RGPD3: variants seen among roughly 807,000 people sequenced by gnomAD.
RGPD3 encodes ranBP2-like and GRIP domain-containing protein 3.
A neutral mutation model predicts 154.5 loss-of-function variants in RGPD3; 62 were observed. The observed-to-expected ratio is 0.40, with a 90% confidence interval of 0.33 to 0.50. The LOEUF is 0.50. Ranked by LOEUF, RGPD3 falls within the 20% of genes least tolerant of loss-of-function variation. The pLI is 0.59. For missense variants in RGPD3, 919 were observed against 1,716.8 expected, an observed-to-expected ratio of 0.54 and a Z score of 8.21; for synonymous variants, 308 against 607.0, an observed-to-expected ratio of 0.51 and a Z score of 7.24.
chr2:106,469,418 A>C (rs77427909), upstream of RGPD3, among the ~76,000 whole-genome samples: 1 of 152,214 alleles, frequency 6.6e-6, no homozygotes, highest in Non-Finnish European at 1.5e-5. Context: ...CGCTTCTCCA[A>C]TTCCCCCTTT....
chr2:106,412,616 C>T (rs1472283509), intron 22 of RGPD3: 2 of 333,658 alleles, frequency 6.0e-6, no homozygotes, highest in Non-Finnish European at 1.2e-5. Flanking sequence ...GCCTATGGCA[C>T]AGTTTTAAAA....
rs1676467340 is a variant in RGPD3, at chr2:106,405,148, C to T, written c.*71G>A. Reference sequence around the variant, plus strand: ...TTTTATTTGGTTAATAAAAACATTCCTTCCATCAACCTATCGAAGTCCAAA... The same window carrying T: ...TTTTATTTGGTTAATAAAAACATTCTTTCCATCAACCTATCGAAGTCCAAA... On this transcript the variant is annotated 3_prime_UTR_variant, in exon 23 of 23. Coordinates refer to ENST00000409886, the MANE Select transcript of RGPD3 (RefSeq NM_001144013.2). 2.5e-6 allele frequency: 4 copies of T among 1,595,742 alleles called. No individual in the cohort carries two copies. The highest frequency in any genetic ancestry group is 2.2e-5 in the East Asian group (1 of 44,674).
rs1011096004 is a variant in RGPD3 at position 106,405,015 on chromosome 2, T to A, written c.*204A>T. On this transcript the variant is annotated 3_prime_UTR_variant, in exon 23 of 23. Coordinates refer to ENST00000409886, the MANE Select transcript of RGPD3 (RefSeq NM_001144013.2). ...TACTTTTACTTCAAGTTGAAACTTTTAAAATACATCTGTCATATAGATGTA... is the reference window on the plus strand; with the variant it reads ...TACTTTTACTTCAAGTTGAAACTTTAAAAATACATCTGTCATATAGATGTA... The A allele has an allele frequency of 1.0e-4, 73 of 698,372 alleles. No individual in the cohort carries two copies. The highest frequency in any genetic ancestry group is 1.5e-4 in the Non-Finnish European group (63 of 419,286). 43.3% of individuals were successfully genotyped at this position (698,372 alleles called of 1,614,324 possible). A position where few individuals can be genotyped will look rare whatever the true frequency, so the allele number is the denominator to read the frequency against.
intron 20 of RGPD3, among the ~76,000 whole-genome samples, chr2:106,420,167 T>C (rs1676934846): frequency 7.2e-6 from 1 of 139,264 alleles, no homozygotes; most frequent in Non-Finnish European, 1.5e-5. Context: ...AGTTAACAAT[T>C]GCCAAGAATG....
chr2:106,467,734 GC>G (rs1678674999), intron 1 of RGPD3, among the ~76,000 whole-genome samples: 4 of 141,954 alleles, frequency 2.8e-5, no homozygotes, highest in African/African-American at 8.1e-5. Context: ...CCTCAACAGA[GC>G]GCGCCAGGGA....
intron 17 of RGPD3, among the ~76,000 whole-genome samples, chr2:106,430,119 A>G (rs1339618178): frequency 3.3e-5 from 5 of 149,464 alleles, no homozygotes; most frequent in Non-Finnish European, 6.0e-5. Flanking sequence ...CCTGACCTCA[A>G]GTGATCCACC....
At chr2:106,441,774 G>T (rs1459506186) in intron 7 of RGPD3, among the ~76,000 whole-genome samples, 1 of 146,530 alleles carries the variant, frequency 6.8e-6, no homozygotes, top group African/African-American at 2.5e-5. Flanking sequence ...TGAGGCACAA[G>T]GATAGCTTGA....
chr2:106,435,084 G>T lies in RGPD3; in HGVS notation c.1877C>A (p.Pro626His). ...IIKKKNSIPE[P>H]IDPLFKHFHS... ...AAAATGTTTAAACAGAGGATCAATAGGTTCAGGAATACTGTTCTTCTTTTT... is the reference window on the plus strand; with the variant it reads ...AAAATGTTTAAACAGAGGATCAATATGTTCAGGAATACTGTTCTTCTTTTT... The change falls in exon 13 of 23, where the codon CCT becomes CAT. Residue 626 changes from proline to histidine, a missense_variant. Physicochemically the swap from Pro to His is moderately conservative, Grantham distance 77 (BLOSUM62 -2). Transcript: ENST00000409886. 1.6e-6 allele frequency: 1 copy of T among 616,552 alleles called. No individual in the cohort carries two copies. Among genetic ancestry groups the T allele is most frequent in the Non-Finnish European group, 2.9e-6 (1 of 345,868 alleles). The allele number at this position is 616,552 out of a possible 1,614,324, so 38.2% of individuals were successfully genotyped here. A position where few individuals can be genotyped will look rare whatever the true frequency, so the allele number is the denominator to read the frequency against.
intron 20 of RGPD3, among the ~76,000 whole-genome samples, chr2:106,421,361 G>C (rs1321603088): frequency 6.6e-6 from 1 of 151,854 alleles, no homozygotes; most frequent in Non-Finnish European, 1.5e-5. Flanking sequence ...CCACTTTTAA[G>C]TTAACACTTT....
rs1027782791 is a variant in RGPD3, at chr2:106,425,222, G to A, written c.2745C>T (p.Ser915=). The part of the protein sequence containing the change: ...TEFKSTKEGF[S]IPVSADGFKF... The stretch of plus-strand genomic sequence containing the variant: ...TAAATCCATCAGCAGACACAGGGAT[G>A]GAAAATCCTTCTTTGGTTGACTTAA... Residue 915 remains serine, a synonymous_variant, in exon 20 of 23, where the codon TCC becomes TCT. Transcript: ENST00000409886. The A allele has an allele frequency of 1.1e-5, 17 of 1,611,428 alleles. No homozygotes were observed. The African/African-American group carries it at 2.0e-4, about 19-fold the overall frequency.
intron 6 of RGPD3, among the ~76,000 whole-genome samples, chr2:106,448,210 T>A (rs1677993151): frequency 6.6e-6 from 1 of 151,634 alleles, no homozygotes; most frequent in South Asian, 2.1e-4. Flanking sequence ...CAGGTTCAAG[T>A]GATTCTCCTG....
At chr2:106,467,631 C>G (rs1373029892) in intron 1 of RGPD3, among the ~76,000 whole-genome samples, 5 of 142,360 alleles carry the variant, frequency 3.5e-5, no homozygotes, top group Non-Finnish European at 4.6e-5. Context: ...GTCGAGGCAG[C>G]CGCCTCCACA....
Position 106,424,841 on chromosome 2 carries a change from A to G in RGPD3, c.3126T>C (p.Val1042=). 2 of 1,611,704 alleles carry G rather than the reference A, an allele frequency of 1.2e-6. No homozygotes were observed. ...CAAGTTCTACTTTTTCAGGCATTTGAACTACTGGTTCAAAATGGATGTCAT... is the reference window on the plus strand; with the variant it reads ...CAAGTTCTACTTTTTCAGGCATTTGGACTACTGGTTCAAAATGGATGTCAT... ...DSDDIHFEPV[V]QMPEKVELVT... Residue 1042 remains valine (V), a synonymous_variant, in exon 20 of 23, where the codon GTT becomes GTC. Coordinates refer to ENST00000409886, the MANE Select transcript of RGPD3 (RefSeq NM_001144013.2).
intron 22 of RGPD3, among the ~76,000 whole-genome samples, chr2:106,405,532 A>T (rs1185606672): frequency 6.6e-6 from 1 of 151,528 alleles, no homozygotes; most frequent in Non-Finnish European, 1.5e-5. Context: ...GTGTGCCACC[A>T]TGCCTGGGTA....
chr2:106,415,674 C>CAAAAAAAAAAAAAA (rs879163469), intron 21 of RGPD3, among the ~76,000 whole-genome samples, 176 bp downstream of exon 21: 12 of 44,742 alleles, frequency 2.7e-4, no homozygotes, highest in African/African-American at 1.1e-3. Context: ...AAGACTGTCT[C>CAAAAAAAAAAAAAA]AAAAAAAAAA....
chr2:106,457,341 T>C (rs576671168), intron 3 of RGPD3, among the ~76,000 whole-genome samples: 9 of 152,392 alleles, frequency 5.9e-5, no homozygotes, highest in Admixed American at 4.6e-4. Context: ...TTTGTGTCAT[T>C]TGAATGCAAA....
intron 9 of RGPD3, among the ~76,000 whole-genome samples, chr2:106,437,584 A>AT (rs1269268299): frequency 6.6e-6 from 1 of 152,252 alleles, no homozygotes; most frequent in Non-Finnish European, 1.5e-5. Flanking sequence ...TCTTTCTGTC[A>AT]TTTTGGCAAT....
rs1234709133 is a variant in RGPD3, at chr2:106,423,848, T to C, written c.4119A>G (p.Gln1373=). The C allele has an allele frequency of 3.1e-6, 5 of 1,611,912 alleles. No individual in the cohort carries two copies. The highest frequency in any genetic ancestry group is 1.1e-5 in the South Asian group (1 of 90,986). Residue 1373 remains glutamine (Q), a synonymous_variant, in exon 20 of 23, where the codon CAA becomes CAG. Transcript: ENST00000409886. ...EFYRYDKDVG[Q]WKERGIGDIK... ...TATCACCAATGCCCCTTTCTTTCCA[T>C]TGACCAACATCTTTATCATATCTGT...
chr2:106,449,231 G>C (rs1678033188), intron 6 of RGPD3, among the ~76,000 whole-genome samples: 1 of 150,116 alleles, frequency 6.7e-6, no homozygotes, highest in South Asian at 2.1e-4. Flanking sequence ...TTGGGAGGCT[G>C]AGGCGGGTGG....
Sources: gnomAD v4.1 joint callset for allele counts (sites outside exome capture counted in the v4.1 genomes callset) on GRCh38, gnomAD v4.1.1 for gene constraint, MANE v1.5 for transcripts, NCBI Gene and HGNC (gene_info 2026-07-23, HGNC 2026-07-21) for gene names.